Variants in ZMAT4 observed in about 807,000 individuals in gnomAD.
ZMAT4 encodes zinc finger matrin-type protein 4.
A neutral mutation model predicts 28.7 loss-of-function variants in ZMAT4; 17 were observed. The ratio of observed to expected loss-of-function variants is 0.59; its 90% CI spans 0.41 to 0.89. The LOEUF (loss-of-function observed/expected upper bound fraction) is 0.89. Ranked by LOEUF, ZMAT4 falls within the 40% of genes least tolerant of loss-of-function variation. The probability of loss-of-function intolerance (pLI) is 0.00; values close to 1 mark genes in which losing one functional copy is unlikely to be tolerated. For synonymous variants in ZMAT4, 117 were observed against 109.2 expected, an observed-to-expected ratio of 1.07 and a Z score of -0.44; for missense variants, 240 against 283.8, an observed-to-expected ratio of 0.85 and a Z score of 1.11.
At chr8:40,892,623 A>G (rs1339187100) in intron 1 of ZMAT4, among the ~76,000 whole-genome samples, 1 of 152,218 alleles carries the variant, frequency 6.6e-6, no homozygotes, top group Admixed American at 6.5e-5. Context: ...AGCAAATAAC[A>G]CTGACTTGGG....
At chr8:40,584,948 G>A (rs10958622) in intron 5 of ZMAT4, among the ~76,000 whole-genome samples, 33,637 of 152,046 alleles carry the variant, frequency 0.22, 4,413 homozygotes, top group Non-Finnish European at 0.3. Context: ...GTTACTTTCC[G>A]ATTGCATCAA....
intron 3 of ZMAT4, among the ~76,000 whole-genome samples, chr8:40,726,201 C>T (rs994341386): frequency 1.3e-5 from 2 of 152,220 alleles, no homozygotes; most frequent in African/African-American, 4.8e-5. Flanking sequence ...TGCCTTTATG[C>T]AAACTCTGAA....
intron 5 of ZMAT4, among the ~76,000 whole-genome samples, chr8:40,588,815 G>T (rs1804755094): frequency 6.6e-6 from 1 of 152,056 alleles, no homozygotes. Flanking sequence ...AATACTTAGT[G>T]TTAAAAAAAG....
chr8:40,560,328 T>C (rs1047348160), intron 6 of ZMAT4, among the ~76,000 whole-genome samples: 1 of 152,060 alleles, frequency 6.6e-6, no homozygotes, highest in Non-Finnish European at 1.5e-5. Context: ...TAAAGCTCTG[T>C]AGTAAATTCC....
chr8:40,765,250 G>A (rs1440960448), intron 3 of ZMAT4, among the ~76,000 whole-genome samples: 2 of 150,664 alleles, frequency 1.3e-5, no homozygotes, highest in South Asian at 4.2e-4. Flanking sequence ...TCAATTCTTA[G>A]GTATAAGCCT....
chr8:40,651,975 A>G (rs1236994587), intron 5 of ZMAT4, among the ~76,000 whole-genome samples: 2 of 105,880 alleles, frequency 1.9e-5, no homozygotes, highest in Non-Finnish European at 4.1e-5. Flanking sequence ...AAACCATAAA[A>G]ACCCTAGAAG....
Position 40,603,707 on chromosome 8 carries a change from C to T in ZMAT4, c.578-22446G>A, listed in dbSNP as rs566804583. ...GCAGTGGTGCAATCTTGGCTCACTG[C>T]TAGCTCCACCTCCAGAGTTCACGCC... On this transcript the variant is annotated intron_variant, in intron 5 of 6. Coordinates refer to ENST00000297737, the MANE Select transcript of ZMAT4 (RefSeq NM_024645.3). 1.3e-4 allele frequency among the ~76,000 whole-genome samples: 20 copies of T among 152,270 alleles called. No homozygotes were observed. In the East Asian group the frequency reaches 3.5e-3, roughly 27 times the overall value.
At chr8:40,746,793 C>T (rs1352919797) in intron 3 of ZMAT4, among the ~76,000 whole-genome samples, 1 of 152,222 alleles carries the variant, frequency 6.6e-6, no homozygotes, top group Non-Finnish European at 1.5e-5. Context: ...TCTATGACGA[C>T]ATCCTGCTTT....
intron 6 of ZMAT4, among the ~76,000 whole-genome samples, chr8:40,559,445 C>A (rs1160078988): frequency 2.6e-5 from 4 of 152,072 alleles, no homozygotes; most frequent in Non-Finnish European, 4.4e-5. Context: ...ATAACCTAAC[C>A]CCTTCATGAA....
intron 6 of ZMAT4, among the ~76,000 whole-genome samples, chr8:40,545,127 C>T (rs1013354650): frequency 6.6e-6 from 1 of 152,178 alleles, no homozygotes; most frequent in Admixed American, 6.5e-5. Flanking sequence ...GACCCTCATT[C>T]CAACAACCCA....
chr8:40,793,101 T>C (rs943364149), intron 2 of ZMAT4, among the ~76,000 whole-genome samples: 1 of 152,002 alleles, frequency 6.6e-6, no homozygotes, highest in Non-Finnish European at 1.5e-5. Context: ...GGGCTTTGGG[T>C]GATAATGATG....
intron 5 of ZMAT4, among the ~76,000 whole-genome samples, chr8:40,583,295 C>T (rs1014355028): frequency 3.0e-4 from 46 of 152,268 alleles, no homozygotes; most frequent in African/African-American, 8.9e-4. Context: ...CAGAATTGGG[C>T]ATGGCCTGTG....
chr8:40,601,480 AG>A lies in ZMAT4; in HGVS notation c.578-20220del, dbSNP rs1295635853. On this transcript the variant is annotated intron_variant, in intron 5 of 6. Transcript: ENST00000297737. ...AGGGAGGAAGAAAGGAAAGAAAGAA[AG>A]AAAGAAAGAAAGAGAGAAAGAAAGA... 5.2e-3 allele frequency among the ~76,000 whole-genome samples: 493 copies of A among 95,258 alleles called. 59 individuals carry two copies. Among genetic ancestry groups the A allele is most frequent in the South Asian group, 0.015 (47 of 3,048 alleles). 62.5% of individuals were successfully genotyped at this position (95,258 alleles called of 152,430 possible).
intron 5 of ZMAT4, among the ~76,000 whole-genome samples, 185 bp from the exon 6 acceptor site, chr8:40,581,446 A>G (rs1804462861): frequency 6.6e-6 from 1 of 152,180 alleles, no homozygotes; most frequent in South Asian, 2.1e-4. Flanking sequence ...AATTATGAAT[A>G]TGTTAGAAGC....
At chr8:40,877,726 G>A (rs187275467) in intron 1 of ZMAT4, among the ~76,000 whole-genome samples, 140 of 152,208 alleles carry the variant, frequency 9.2e-4, no homozygotes, top group Middle Eastern at 3.4e-3. Flanking sequence ...AGAGAGAGAC[G>A]GAGTAGGGAG....
chr8:40,743,968 G>A (rs1240677381), intron 3 of ZMAT4, among the ~76,000 whole-genome samples: 2 of 152,198 alleles, frequency 1.3e-5, no homozygotes, highest in African/African-American at 2.4e-5. Flanking sequence ...TCCATTTCTG[G>A]AAGGGTGAAC....
At chr8:40,602,613 CTGATAATTAGTGATGT>C (rs1179692294) in intron 5 of ZMAT4, among the ~76,000 whole-genome samples, 5 of 152,218 alleles carry the variant, frequency 3.3e-5, no homozygotes, top group African/African-American at 1.2e-4. Context: ...TTGCATTTCC[CTGATAATTAGTGATGT>C]TGAGCATTTT....
chr8:40,665,098 C>G (rs1808351004), intron 5 of ZMAT4, among the ~76,000 whole-genome samples: 1 of 152,134 alleles, frequency 6.6e-6, no homozygotes, highest in South Asian at 2.1e-4. Flanking sequence ...TCCAACTACT[C>G]AGGAGTCTGA....
At chr8:40,824,355 G>A (rs1815941989) in intron 2 of ZMAT4, among the ~76,000 whole-genome samples, 2 of 152,210 alleles carry the variant, frequency 1.3e-5, no homozygotes, top group Non-Finnish European at 2.9e-5. Flanking sequence ...TGAGGTGGGA[G>A]GATCGCTTGA....
Sources: allele counts gnomAD v4.1 joint callset (sites outside exome capture counted in the v4.1 genomes callset), GRCh38; gene constraint gnomAD v4.1.1; transcripts MANE v1.5; gene names NCBI Gene and HGNC (gene_info 2026-07-23, HGNC 2026-07-21).